Variants in PTPN3 observed in about 807,000 individuals in gnomAD.
PTPN3 encodes protein tyrosine phosphatase non-receptor type 3, also known as tyrosine-protein phosphatase non-receptor type 3.
In PTPN3, 96 loss-of-function variants were observed where a neutral mutation model predicts 132.7. The ratio of observed to expected loss-of-function variants is 0.72; its 90% CI spans 0.61 to 0.86. The LOEUF is 0.86. PTPN3 is among the 40% of genes least tolerant of loss of function. The pLI, the probability that PTPN3 is intolerant of heterozygous loss-of-function variation, is 0.00. For synonymous variants in PTPN3, 398 were observed against 429.0 expected (o/e 0.93, Z 0.89); for missense variants, 1,125 against 1,159.6 (o/e 0.97, Z 0.43).
intron 1 of PTPN3, among the ~76,000 whole-genome samples, chr9:109,470,800 T>TA (rs2132071474): frequency 6.6e-6 from 1 of 152,218 alleles, no homozygotes; most frequent in South Asian, 2.1e-4. Flanking sequence ...ATCAAGATAT[T>TA]AAAAAAATAG....
chr9:109,509,366 C>G, the PTPN3 span, among the ~76,000 whole-genome samples: 138 of 152,298 alleles, frequency 9.1e-4, 1 homozygote, highest in African/African-American at 3.2e-3. Flanking sequence ...TCATATTTCT[C>G]TCAATCCTGC....
chr9:109,441,059 G>A (rs1194530200), intron 7 of PTPN3, among the ~76,000 whole-genome samples: 1 of 152,148 alleles, frequency 6.6e-6, no homozygotes, highest in Non-Finnish European at 1.5e-5. Flanking sequence ...AGACCCAAAG[G>A]GGTCTGCCAC....
In PTPN3 at chr9:109,389,131, T is replaced by A. The variant is rs1839840906; in HGVS notation, c.2253+102A>T. On this transcript the variant is annotated intron_variant, in intron 22 of 25. Coordinates refer to ENST00000374541, the MANE Select transcript of PTPN3 (RefSeq NM_002829.4). Reference sequence around the variant, plus strand: ...AGGAGACTTAGGGTCACATACGGGCTGGACCAGGAGACGCTGAAGACCCTT... The same window carrying A: ...AGGAGACTTAGGGTCACATACGGGCAGGACCAGGAGACGCTGAAGACCCTT... 16 of 1,450,410 alleles carry A rather than the reference T, an allele frequency of 1.1e-5. No homozygotes were observed. In the Admixed American group the frequency reaches 2.9e-4, roughly 26 times the overall value. 89.8% of individuals were successfully genotyped at this position (1,450,410 alleles called of 1,614,324 possible). A position where few individuals can be genotyped will look rare whatever the true frequency, so the allele number is the denominator to read the frequency against.
chr9:109,515,059 A>G, the PTPN3 span, among the ~76,000 whole-genome samples: 1 of 151,752 alleles, frequency 6.6e-6, no homozygotes, highest in Non-Finnish European at 1.5e-5. Flanking sequence ...CTCACTCTAT[A>G]TTGTCTGGGC....
intron 1 of PTPN3, among the ~76,000 whole-genome samples, chr9:109,489,486 C>T (rs1037928730): frequency 9.9e-5 from 15 of 152,116 alleles, no homozygotes; most frequent in Non-Finnish European, 1.3e-4. Context: ...CTCTTAAATC[C>T]GGACGTGACC....
chr9:109,386,802 G>C (rs1168499015), intron 22 of PTPN3, among the ~76,000 whole-genome samples: 2 of 152,198 alleles, frequency 1.3e-5, no homozygotes, highest in Admixed American at 6.5e-5. Context: ...GAAATGACAG[G>C]ACCAGGCAAC....
At chr9:109,519,236 G>C in the PTPN3 span, among the ~76,000 whole-genome samples, 25 of 152,206 alleles carry the variant, frequency 1.6e-4, no homozygotes. Flanking sequence ...CGACTTTACA[G>C]TGGTGTGAAA....
intron 5 of PTPN3, 108 bp downstream of exon 5, chr9:109,454,388 T>C: frequency 1.1e-6 from 1 of 933,484 alleles, no homozygotes; most frequent in South Asian, 1.4e-5. Context: ...GTTGGTGTAG[T>C]TACACCCAAA....
intron 1 of PTPN3, among the ~76,000 whole-genome samples, chr9:109,469,261 T>C (rs899902248): frequency 2.0e-5 from 3 of 152,166 alleles, no homozygotes; most frequent in East Asian, 1.9e-4. Context: ...CAATGAACCA[T>C]AGACACAAAG....
chr9:109,442,909 C>T (rs1294223472), intron 7 of PTPN3, among the ~76,000 whole-genome samples: 1 of 151,922 alleles, frequency 6.6e-6, no homozygotes, highest in Non-Finnish European at 1.5e-5. Flanking sequence ...CAGGGATGGT[C>T]CAACAATAAA....
Position 109,409,974 on chromosome 9 carries a change from C to A in PTPN3, c.1578+25G>T. 1.9e-6 allele frequency: 3 copies of A among 1,611,440 alleles called. No homozygotes were observed. In the East Asian group the frequency reaches 6.7e-5, roughly 36 times the overall value. ...TGAAAGATTGCTTCCCAGCACAAAACTTCCTTTATAAATACACAACATACC... is the reference window on the plus strand; with the variant it reads ...TGAAAGATTGCTTCCCAGCACAAAAATTCCTTTATAAATACACAACATACC... On this transcript the variant is annotated intron_variant, in intron 16 of 25. Transcript: ENST00000374541.
chr9:109,417,899 G>A (rs1842639019), intron 14 of PTPN3: 1 of 603,558 alleles, frequency 1.7e-6, no homozygotes, highest in African/African-American at 2.0e-5. Flanking sequence ...CTCAAGGAGG[G>A]GTTTCAAGAA....
chr9:109,405,833 A>G (rs1841516678), intron 18 of PTPN3, among the ~76,000 whole-genome samples: 2 of 152,070 alleles, frequency 1.3e-5, no homozygotes, highest in Non-Finnish European at 2.9e-5. Context: ...TGATACACCC[A>G]CCTTGGCCTT....
intron 14 of PTPN3, among the ~76,000 whole-genome samples, chr9:109,419,571 G>A (rs370546687): frequency 6.6e-6 from 1 of 151,938 alleles, no homozygotes; most frequent in East Asian, 1.9e-4. Context: ...AATGATTTGC[G>A]AGTTTACCCC....
At chr9:109,425,580 G>A (rs560815992) in intron 12 of PTPN3, among the ~76,000 whole-genome samples, 3 of 152,028 alleles carry the variant, frequency 2.0e-5, no homozygotes, top group Admixed American at 2.0e-4. Flanking sequence ...GCGTGGTGGT[G>A]GGCACCTGTA....
Position 109,454,531 on chromosome 9 carries a change from T to C in PTPN3, c.333A>G (p.Ile111Met). 1 of 1,613,558 alleles carries C rather than the reference T, an allele frequency of 6.2e-7. No individual in the cohort carries two copies. Among genetic ancestry groups the C allele is most frequent in the Non-Finnish European group, 8.5e-7 (1 of 1,179,936 alleles). ...CTLHFRVRFF[I>M]PDPNTLQQEQ... ...CTTGCTGCAGTGTGTTGGGATCAGG[T>C]ATAAAAAATCTTACTCGAAAATGCA... The change falls in exon 5 of 26, where the codon ATA becomes ATG. Residue 111 changes from isoleucine to methionine, a missense_variant. By Grantham distance (10) the Ile-to-Met change is conservative. Coordinates refer to ENST00000374541, the MANE Select transcript of PTPN3 (RefSeq NM_002829.4).
intron 1 of PTPN3, among the ~76,000 whole-genome samples, chr9:109,494,406 C>T (rs1182750448): frequency 6.6e-6 from 1 of 152,196 alleles, no homozygotes; most frequent in African/African-American, 2.4e-5. Context: ...CCACTGCACT[C>T]CAGCCTGATG....
intron 22 of PTPN3, 72 bp downstream of exon 22, chr9:109,389,161 G>A: frequency 6.4e-7 from 1 of 1,562,490 alleles, no homozygotes; most frequent in Non-Finnish European, 8.7e-7. Context: ...ACCCTTCTCA[G>A]CGCTGAGATT....
At chr9:109,483,298 C>G (rs1244521723) in intron 1 of PTPN3, among the ~76,000 whole-genome samples, 1 of 152,262 alleles carries the variant, frequency 6.6e-6, no homozygotes, top group Non-Finnish European at 1.5e-5. Flanking sequence ...TCCACAGCGA[C>G]AGGCTCCAGT....
Sources: gnomAD v4.1 joint callset for allele counts (sites outside exome capture counted in the v4.1 genomes callset) on GRCh38, gnomAD v4.1.1 for gene constraint, MANE v1.5 for transcripts, NCBI Gene and HGNC (gene_info 2026-07-23, HGNC 2026-07-21) for gene names.